Variants in ZNF469 observed in about 807,000 individuals in gnomAD.
ZNF469 encodes the protein zinc finger protein 469.
ZNF469 carries 1 observed loss-of-function variant against 1.0 expected under a neutral mutation model. The observed-to-expected ratio is 1.00, with a 90% CI of 0.35 to 4.73. The LOEUF is 4.73. ZNF469 is among the 30% of genes most tolerant of loss of function. The pLI, the probability that ZNF469 is intolerant of heterozygous loss-of-function variation, is 0.16. For synonymous variants in ZNF469, 2,703 were observed against 2,363.4 expected (o/e 1.14, Z -4.17); for missense variants, 6,100 against 5,356.3 (o/e 1.14, Z -4.33).
chr16:88,439,430 C>T lies in ZNF469; in HGVS notation c.*98C>T. On this transcript the variant is annotated 3_prime_UTR_variant, in exon 3 of 3. Transcript: ENST00000565624. ...TCCCTGAGATGGTCCACTCTGTGGC[C>T]ACTTGACTTCTTGTGCAACTGCTCA... 1.5e-6 allele frequency: 2 copies of T among 1,344,892 alleles called. No homozygotes were observed. The highest frequency in any genetic ancestry group is 2.5e-5 in the East Asian group (1 of 39,924). The allele number at this position is 1,344,892 out of a possible 1,614,324, so 83.3% of individuals were successfully genotyped here. A position where few individuals can be genotyped will look rare whatever the true frequency, so the allele number is the denominator to read the frequency against.
chr16:88,243,918 A>G, the ZNF469 span, among the ~76,000 whole-genome samples: 1 of 69,800 alleles, frequency 1.4e-5, no homozygotes, highest in Non-Finnish European at 2.8e-5. Context: ...ATGCATATAT[A>G]TATATATATA....
chr16:88,156,836 T>C, the ZNF469 span, among the ~76,000 whole-genome samples: 2 of 151,942 alleles, frequency 1.3e-5, no homozygotes, highest in Non-Finnish European at 2.9e-5. Flanking sequence ...CAGCCCTGTC[T>C]TGTTGCCATG....
the ZNF469 span, among the ~76,000 whole-genome samples, chr16:88,346,737 G>C: frequency 1.3e-5 from 2 of 152,204 alleles, no homozygotes; most frequent in Non-Finnish European, 2.9e-5. Context: ...GGCTGGACCT[G>C]TTCCTTCCTT....
At chr16:88,224,736 C>T in the ZNF469 span, among the ~76,000 whole-genome samples, 17 of 152,060 alleles carry the variant, frequency 1.1e-4, no homozygotes, top group Middle Eastern at 3.4e-3. Context: ...TGTGTAAGTA[C>T]GTACATATGT....
the ZNF469 span, among the ~76,000 whole-genome samples, chr16:88,207,652 G>C: frequency 2.0e-5 from 3 of 150,996 alleles, no homozygotes; most frequent in South Asian, 2.1e-4. Context: ...AGGTGTCGAC[G>C]GGGCCGCCCT....
chr16:88,101,011 C>T, the ZNF469 span: 201 of 259,950 alleles, frequency 7.7e-4, no homozygotes, highest in Middle Eastern at 4.1e-3. Context: ...GGCAGCTGTC[C>T]CTCTGCAGCC....
At chr16:88,118,146 T>C in the ZNF469 span, among the ~76,000 whole-genome samples, 2 of 152,308 alleles carry the variant, frequency 1.3e-5, no homozygotes, top group South Asian at 2.1e-4. Flanking sequence ...TTTTGCCATG[T>C]TGGCCAGGCT....
the ZNF469 span, among the ~76,000 whole-genome samples, chr16:88,115,285 C>A: frequency 6.6e-6 from 1 of 152,072 alleles, no homozygotes; most frequent in Non-Finnish European, 1.5e-5. Flanking sequence ...CATTTCTGAT[C>A]TGCAATAGAT....
chr16:88,250,122 C>A, the ZNF469 span, among the ~76,000 whole-genome samples: 2 of 152,340 alleles, frequency 1.3e-5, no homozygotes, highest in South Asian at 2.1e-4. Flanking sequence ...TAATGCAAAG[C>A]GTTTTCACAA....
chr16:88,350,111 T>C, the ZNF469 span, among the ~76,000 whole-genome samples: 1 of 152,022 alleles, frequency 6.6e-6, no homozygotes, highest in Non-Finnish European at 1.5e-5. Flanking sequence ...CCCGCCCCCC[T>C]TGGGGCGGAG....
chr16:88,397,634 T>TAA lies in ZNF469; in HGVS notation c.-192+14380_-192+14381insAA, dbSNP rs1567500439. On this transcript the variant is annotated intron_variant, in intron 1 of 2. Coordinates refer to ENST00000565624, the MANE Select transcript of ZNF469 (RefSeq NM_001367624.2). ...ATGGATGGATGGGTGGATGGATGGA[T>TAA]GGATGGATGGATATAAATAAGAGAT... Among the ~76,000 whole-genome samples, 168 of 126,786 alleles carry TAA rather than the reference T, an allele frequency of 1.3e-3. 1 individual carries two copies. The highest frequency in any genetic ancestry group is 3.0e-3 in the African/African-American group (99 of 32,730). The allele number at this position is 126,786 out of a possible 152,430, so 83.2% of individuals were successfully genotyped here.
chr16:88,204,154 C>G, the ZNF469 span, among the ~76,000 whole-genome samples: 1 of 150,688 alleles, frequency 6.6e-6, no homozygotes, highest in Non-Finnish European at 1.5e-5. Context: ...CATAGAGCAG[C>G]CGGAGGCGCC....
the ZNF469 span, among the ~76,000 whole-genome samples, chr16:88,307,657 T>G: frequency 5.3e-5 from 8 of 152,250 alleles, no homozygotes; most frequent in Non-Finnish European, 8.8e-5. Flanking sequence ...GAGAAATATC[T>G]ACTCAGACCC....
At chr16:88,234,482 G>A in the ZNF469 span, among the ~76,000 whole-genome samples, 2 of 152,228 alleles carry the variant, frequency 1.3e-5, no homozygotes, top group Admixed American at 1.3e-4. Context: ...CCGGAGCTGG[G>A]CTAAGCCAGT....
chr16:88,266,823 C>T, the ZNF469 span, among the ~76,000 whole-genome samples: 42,126 of 152,044 alleles, frequency 0.28, 6,772 homozygotes, highest in Non-Finnish European at 0.36. Flanking sequence ...AGAGTTCCAT[C>T]CTTGGAGCAG....
chr16:88,417,247 C>T (rs982896308), intron 1 of ZNF469, among the ~76,000 whole-genome samples: 4 of 152,136 alleles, frequency 2.6e-5, no homozygotes, highest in African/African-American at 9.7e-5. Flanking sequence ...GGGGCAGGCC[C>T]ACACCCTTTC....
At chr16:88,354,505 G>A in the ZNF469 span, among the ~76,000 whole-genome samples, 1 of 152,150 alleles carries the variant, frequency 6.6e-6, no homozygotes, top group Non-Finnish European at 1.5e-5. Context: ...GACCTGGGGT[G>A]AGCCACAGGA....
the ZNF469 span, among the ~76,000 whole-genome samples, chr16:88,150,659 G>A: frequency 3.4e-3 from 519 of 151,734 alleles, 2 homozygotes; most frequent in African/African-American, 0.011. Flanking sequence ...AAATCCTGCC[G>A]GCCTGGGAAA....
chr16:88,134,264 G>A, the ZNF469 span, among the ~76,000 whole-genome samples: 4 of 152,168 alleles, frequency 2.6e-5, no homozygotes, highest in African/African-American at 7.2e-5. Flanking sequence ...ATCCTTCTGC[G>A]TCGGGACACA....
Sources: allele counts gnomAD v4.1 joint callset (sites outside exome capture counted in the v4.1 genomes callset), GRCh38; gene constraint gnomAD v4.1.1; transcripts MANE v1.5; gene names NCBI Gene and HGNC (gene_info 2026-07-23, HGNC 2026-07-21).